The following CCDC178 variants were observed in gnomAD, a reference collection of about 807,000 sequenced individuals.
CCDC178 encodes coiled-coil domain-containing protein 178.
A neutral mutation model predicts 117.4 loss-of-function variants in CCDC178; 126 were observed. That is an observed-to-expected ratio of 1.07 (90% CI 0.93 to 1.24). The LOEUF is 1.24. Among genes scored for constraint, CCDC178 ranks in the 50% most tolerant of loss-of-function variants. The pLI, the probability that CCDC178 is intolerant of heterozygous loss-of-function variation, is 0.00. For synonymous variants in CCDC178, 283 were observed against 313.4 expected (o/e 0.90, Z 1.02); for missense variants, 1,030 against 986.9 (o/e 1.04, Z -0.59).
At chr18:33,380,524 C>T (rs2063427226) in intron 5 of CCDC178, among the ~76,000 whole-genome samples, 1 of 152,144 alleles carries the variant, frequency 6.6e-6, no homozygotes. Context: ...CAAGTTAGCT[C>T]CAGGGCTTGG....
At chr18:33,176,386 T>C (rs532902034) in intron 20 of CCDC178, among the ~76,000 whole-genome samples, 3 of 152,314 alleles carry the variant, frequency 2.0e-5, no homozygotes, top group Non-Finnish European at 4.4e-5. Flanking sequence ...CATCCCATTT[T>C]GTAACTATAA....
intron 7 of CCDC178, among the ~76,000 whole-genome samples, chr18:33,354,756 G>A (rs1001598313): frequency 3.3e-5 from 5 of 151,858 alleles, no homozygotes; most frequent in African/African-American, 9.7e-5. Flanking sequence ...GACTACAAGT[G>A]CAGGCCACCA....
At chr18:33,424,513 G>A (rs1281290404) in intron 2 of CCDC178, among the ~76,000 whole-genome samples, 5 of 152,130 alleles carry the variant, frequency 3.3e-5, no homozygotes, top group East Asian at 1.9e-4. Context: ...TTCATACTTG[G>A]TTCTAAGCCA....
Position 33,397,131 on chromosome 18 carries a change from A to G in CCDC178, c.118+18T>C. 6.7e-7 allele frequency: 1 copy of G among 1,499,702 alleles called. No homozygotes were observed. Among genetic ancestry groups the G allele is most frequent in the Non-Finnish European group, 9.2e-7 (1 of 1,088,916 alleles). The allele number at this position is 1,499,702 out of a possible 1,614,324, so 92.9% of individuals were successfully genotyped here. A position where few individuals can be genotyped will look rare whatever the true frequency, so the allele number is the denominator to read the frequency against. On this transcript the variant is annotated intron_variant, in intron 4 of 22. Transcript: ENST00000383096. ...CAGAAAAAAGAGATGAAAATTATAT[A>G]TAATAGCTGTTGGATACCTTCATTT...
intron 21 of CCDC178, among the ~76,000 whole-genome samples, chr18:33,005,870 G>A (rs1482467906): frequency 6.6e-6 from 1 of 152,028 alleles, no homozygotes; most frequent in Non-Finnish European, 1.5e-5. Context: ...CCTGAAATAA[G>A]TAGAACTGAA....
intron 21 of CCDC178, among the ~76,000 whole-genome samples, chr18:33,064,827 C>G (rs563663069): frequency 4.0e-4 from 61 of 151,454 alleles, no homozygotes; most frequent in Middle Eastern, 3.4e-3. Context: ...TGTCCAACAA[C>G]GAACAATAAA....
At chr18:32,999,609 T>G (rs1432725651) in intron 21 of CCDC178, among the ~76,000 whole-genome samples, 2 of 152,158 alleles carry the variant, frequency 1.3e-5, no homozygotes, top group Non-Finnish European at 2.9e-5. Context: ...TTTATTGTCA[T>G]CCATCCTCCA....
intron 21 of CCDC178, among the ~76,000 whole-genome samples, chr18:32,999,787 G>C (rs908398523): frequency 6.6e-6 from 1 of 152,082 alleles, no homozygotes; most frequent in African/African-American, 2.4e-5. Flanking sequence ...CTGGGCTTGG[G>C]GTGATCCCTA....
chr18:33,188,277 G>C (rs527461002), intron 20 of CCDC178, among the ~76,000 whole-genome samples: 1 of 152,018 alleles, frequency 6.6e-6, no homozygotes. Flanking sequence ...TGTGGTTATG[G>C]TACTCAAAAT....
intron 11 of CCDC178, among the ~76,000 whole-genome samples, chr18:33,321,292 A>G (rs1005970455): frequency 6.6e-6 from 1 of 152,214 alleles, no homozygotes; most frequent in African/African-American, 2.4e-5. Context: ...CTACCATCAG[A>G]GTGAACAGGC....
At chr18:33,004,363 G>C (rs2055706885) in intron 21 of CCDC178, among the ~76,000 whole-genome samples, 1 of 152,058 alleles carries the variant, frequency 6.6e-6, no homozygotes, top group South Asian at 2.1e-4. Context: ...TTTTGACAAA[G>C]GTGCCAAGAA....
chr18:33,415,187 C>A (rs2063917742), intron 2 of CCDC178, among the ~76,000 whole-genome samples: 1 of 152,136 alleles, frequency 6.6e-6, no homozygotes, highest in Non-Finnish European at 1.5e-5. Flanking sequence ...TTGATCCAGC[C>A]ATCCCATTAC....
intron 8 of CCDC178, 49 bp from the exon 9 acceptor site, chr18:33,346,460 C>T: frequency 8.1e-7 from 1 of 1,235,668 alleles, no homozygotes; most frequent in Non-Finnish European, 1.2e-6. Context: ...AGTCAATAAG[C>T]TGGATGATGG....
intron 14 of CCDC178, among the ~76,000 whole-genome samples, chr18:33,250,481 C>T (rs1359389944): frequency 6.6e-6 from 1 of 151,418 alleles, no homozygotes; most frequent in Non-Finnish European, 1.5e-5. Flanking sequence ...TGAAAATAAA[C>T]ATTAGTGCAG....
chr18:33,097,526 C>A (rs1473644883), intron 20 of CCDC178, among the ~76,000 whole-genome samples: 1 of 152,072 alleles, frequency 6.6e-6, no homozygotes, highest in African/African-American at 2.4e-5. Context: ...AACTGAAATG[C>A]CAGATATCTT....
At chr18:33,267,694 CTAGG>C (rs1333479107) in intron 12 of CCDC178, among the ~76,000 whole-genome samples, 1 of 151,240 alleles carries the variant, frequency 6.6e-6, no homozygotes, top group Non-Finnish European at 1.5e-5. Flanking sequence ...TTAGGAAAGA[CTAGG>C]TAAACAATTA....
chr18:33,143,984 T>G (rs910983990), intron 20 of CCDC178, among the ~76,000 whole-genome samples: 7 of 152,104 alleles, frequency 4.6e-5, no homozygotes, highest in African/African-American at 1.7e-4. Context: ...CACAGACTCA[T>G]AAACATGCCA....
intron 18 of CCDC178, among the ~76,000 whole-genome samples, chr18:33,220,201 A>G (rs1374379393): frequency 6.6e-6 from 1 of 152,052 alleles, no homozygotes; most frequent in Non-Finnish European, 1.5e-5. Context: ...CCCAGTCTCT[A>G]CTTTGTAGAA....
At position 33,023,058 on chromosome 18, in the gene CCDC178, A is replaced by G. The variant is rs575393788; in HGVS notation, c.2389-48377T>C. On this transcript the variant is annotated intron_variant, in intron 21 of 22. Transcript: ENST00000383096. The stretch of plus-strand genomic sequence containing the variant: ...TTATAGCAATCCTAAATGTGTATGA[A>G]CCTAAAAGCTGGGCTGCAAAATATG... Among the ~76,000 whole-genome samples the G allele has an allele frequency of 6.6e-5, 10 of 152,264 alleles. No individual in the cohort carries two copies. In the South Asian group the frequency reaches 2.1e-3, roughly 32 times the overall value.
Sources: gnomAD v4.1 joint callset for allele counts (sites outside exome capture counted in the v4.1 genomes callset) on GRCh38, gnomAD v4.1.1 for gene constraint, MANE v1.5 for transcripts, NCBI Gene and HGNC (gene_info 2026-07-23, HGNC 2026-07-21) for gene names.